The following PAX3 variants were observed in gnomAD, a reference collection of about 807,000 sequenced individuals.
PAX3 encodes paired box 3, also known as paired box protein Pax-3.
A neutral mutation model predicts 51.6 loss-of-function variants in PAX3; 14 were observed. The ratio of observed to expected loss-of-function variants is 0.27; its 90% CI spans 0.18 to 0.42. The LOEUF is 0.42. PAX3 is among the 10% of genes least tolerant of loss of function. PAX3 has a pLI of 1.00. For missense variants in PAX3, 540 were observed against 642.8 expected (o/e 0.84, Z 1.73); for synonymous variants, 280 against 253.4 (o/e 1.11, Z -1.00).
At chr2:222,220,495 C>T (rs967535658) in intron 6 of PAX3, 141 bp from the exon 7 acceptor site, 5 of 780,438 alleles carry the variant, frequency 6.4e-6, no homozygotes, top group African/African-American at 5.1e-5. Flanking sequence ...CGTTTCTTAA[C>T]CTGCAGGTGT....
intron 7 of PAX3, among the ~76,000 whole-genome samples, chr2:222,219,248 G>T (rs45496491): frequency 0.07 from 10,695 of 151,730 alleles, 613 homozygotes; most frequent in Admixed American, 0.18. Flanking sequence ...AGGAAAAAGG[G>T]GGTTGAGAAC....
At chr2:222,203,378 C>A (rs1574621840) in intron 7 of PAX3, among the ~76,000 whole-genome samples, 1 of 151,996 alleles carries the variant, frequency 6.6e-6, no homozygotes, top group East Asian at 1.9e-4. Flanking sequence ...GTCAAGAGCC[C>A]CCCCGAAGAC....
chr2:222,297,308 T>C, intron 1 of PAX3, 95 bp from the exon 2 acceptor site: 2 of 900,052 alleles, frequency 2.2e-6, no homozygotes, highest in Non-Finnish European at 3.6e-6. Context: ...TCTTCTGTCC[T>C]ATCCTCATGT....
At chr2:222,297,783 C>T (rs1695384561) in intron 1 of PAX3, among the ~76,000 whole-genome samples, 1 of 152,234 alleles carries the variant, frequency 6.6e-6, no homozygotes, top group Non-Finnish European at 1.5e-5. Context: ...AGCGGCAGGG[C>T]TGTTCCTGGG....
At chr2:222,249,532 G>T (rs1693347553) in intron 4 of PAX3, among the ~76,000 whole-genome samples, 1 of 152,134 alleles carries the variant, frequency 6.6e-6, no homozygotes, top group East Asian at 1.9e-4. Flanking sequence ...GCCCAAAAGT[G>T]CAGTGTTAGA....
intron 4 of PAX3, among the ~76,000 whole-genome samples, chr2:222,238,264 A>C (rs1390882991): frequency 6.6e-6 from 1 of 152,196 alleles, no homozygotes; most frequent in African/African-American, 2.4e-5. Context: ...AGAATTAGAG[A>C]GTATGTCTTT....
intron 3 of PAX3, 48 bp downstream of exon 3, chr2:222,295,480 A>T: frequency 6.2e-7 from 1 of 1,610,484 alleles, no homozygotes; most frequent in South Asian, 1.1e-5. Context: ...TGCCGGGGTA[A>T]TAGCGACTGA....
intron 4 of PAX3, among the ~76,000 whole-genome samples, chr2:222,245,815 C>A (rs142978041): frequency 8.5e-4 from 115 of 135,376 alleles, no homozygotes; most frequent in Non-Finnish European, 7.5e-4. Flanking sequence ...ACTAAAAATA[C>A]AAAAAAAAAA....
rs187601126 is a variant in PAX3 at position 222,253,252 on chromosome 2, G to T, written c.587-20969C>A. 9.8e-5 allele frequency among the ~76,000 whole-genome samples: 15 copies of T among 152,348 alleles called. No individual in the cohort carries two copies. In the East Asian group the frequency reaches 2.7e-3, roughly 27 times the overall value. ...AAGGAGTACTAACACTCCACAGGTA[G>T]CTCTGAGGAACAAATTTACAGGGGT... is the stretch of plus-strand genomic sequence containing the variant. On this transcript the variant is annotated intron_variant, in intron 4 of 8. Transcript: ENST00000392070.
chr2:222,229,165 A>G (rs1410961428), intron 5 of PAX3, among the ~76,000 whole-genome samples: 1 of 151,182 alleles, frequency 6.6e-6, no homozygotes, highest in Admixed American at 6.6e-5. Flanking sequence ...ATATGATTTA[A>G]TTTGTCTGCC....
intron 5 of PAX3, among the ~76,000 whole-genome samples, chr2:222,222,837 G>A (rs986503729): frequency 6.6e-6 from 1 of 152,166 alleles, no homozygotes; most frequent in Non-Finnish European, 1.5e-5. Flanking sequence ...CTCGCTAGAG[G>A]TAGAAACTTC....
intron 7 of PAX3, among the ~76,000 whole-genome samples, chr2:222,205,873 A>G (rs1469675937): frequency 6.6e-6 from 1 of 152,160 alleles, no homozygotes; most frequent in African/African-American, 2.4e-5. Flanking sequence ...AAGGGAAGCT[A>G]TGGAAATTTC....
chr2:222,211,150 C>T (rs1297562045), intron 7 of PAX3, among the ~76,000 whole-genome samples: 4 of 152,152 alleles, frequency 2.6e-5, no homozygotes, highest in Non-Finnish European at 1.5e-5. Context: ...AGGTGTGAGC[C>T]ACCACACTTG....
chr2:222,289,765 C>T (rs1013400161), intron 4 of PAX3, among the ~76,000 whole-genome samples: 6 of 152,080 alleles, frequency 3.9e-5, no homozygotes, highest in African/African-American at 1.4e-4. Flanking sequence ...AAATTGTTAC[C>T]GCGACATTAA....
chr2:222,247,196 G>T (rs894731316), intron 4 of PAX3, among the ~76,000 whole-genome samples: 1 of 152,088 alleles, frequency 6.6e-6, no homozygotes, highest in East Asian at 1.9e-4. Flanking sequence ...GTAGGAGGGG[G>T]CTCTTCAAAT....
chr2:222,280,241 AAGAAAGAAAG>A, intron 4 of PAX3, among the ~76,000 whole-genome samples: 1 of 148,558 alleles, frequency 6.7e-6, no homozygotes, highest in East Asian at 2.0e-4. Flanking sequence ...GAGAGGGAGA[AAGAAAGAAAG>A]AGAAAGAAAA....
intron 4 of PAX3, among the ~76,000 whole-genome samples, chr2:222,291,678 G>C (rs1695044028): frequency 6.6e-6 from 1 of 152,042 alleles, no homozygotes; most frequent in Non-Finnish European, 1.5e-5. Context: ...ACTGGTCAGG[G>C]GACCCCAAAG....
At chr2:222,255,782 CTTTTTT>C (rs71781283) in intron 4 of PAX3, among the ~76,000 whole-genome samples, 1 of 136,542 alleles carries the variant, frequency 7.3e-6, no homozygotes, top group Admixed American at 7.3e-5. Flanking sequence ...CAATTATATT[CTTTTTT>C]TTTTTTTTTT....
At chr2:222,254,540 C>CTCTG (rs1293765977) in intron 4 of PAX3, among the ~76,000 whole-genome samples, 1 of 152,202 alleles carries the variant, frequency 6.6e-6, no homozygotes, top group African/African-American at 2.4e-5. Flanking sequence ...GCAGACCCAT[C>CTCTG]TCTGGATCTG....
Sources: gnomAD v4.1 joint callset for allele counts (sites outside exome capture counted in the v4.1 genomes callset) on GRCh38, gnomAD v4.1.1 for gene constraint, MANE v1.5 for transcripts, NCBI Gene and HGNC (gene_info 2026-07-23, HGNC 2026-07-21) for gene names.